PACSIN2: variants seen among roughly 807,000 people sequenced by gnomAD.
PACSIN2 encodes protein kinase C and casein kinase substrate in neurons protein 2.
In PACSIN2, 25 loss-of-function variants were observed where a neutral mutation model predicts 63.8. The observed-to-expected ratio is 0.39, with a 90% confidence interval of 0.29 to 0.55. The LOEUF (loss-of-function observed/expected upper bound fraction) is 0.55. PACSIN2 is among the 20% of genes least tolerant of loss of function. The pLI is 0.62. For missense variants in PACSIN2, 518 were observed against 646.9 expected, an observed-to-expected ratio of 0.80 and a Z score of 2.16; for synonymous variants, 255 against 256.2, an observed-to-expected ratio of 1.00 and a Z score of 0.05.
At position 42,986,393 on chromosome 22, in the gene PACSIN2, T is replaced by A. The variant is rs558799542; in HGVS notation, c.-78+28628A>T. Reference sequence around the variant, plus strand: ...GAGTATCAATCAAGGGCAGCATTCATCCGGCCAAACGAAATCAAACGCCTA... The same window carrying A: ...GAGTATCAATCAAGGGCAGCATTCAACCGGCCAAACGAAATCAAACGCCTA... On this transcript the variant is annotated intron_variant, in intron 1 of 10. Transcript: ENST00000263246. 2.0e-5 allele frequency among the ~76,000 whole-genome samples: 3 copies of A among 152,204 alleles called. No homozygotes were observed. The East Asian group carries it at 5.8e-4, about 29-fold the overall frequency.
chr22:42,876,185 G>C lies in PACSIN2; in HGVS notation c.1300C>G (p.Leu434Val). 1 of 1,614,230 alleles carries C rather than the reference G, an allele frequency of 6.2e-7. No homozygotes were observed. The highest frequency in any genetic ancestry group is 8.5e-7 in the Non-Finnish European group (1 of 1,180,042). ...TSGTEVRVRALYDYEGQEHDE... is the reference protein window; with the variant it reads ...TSGTEVRVRAVYDYEGQEHDE... ...TGCTCCTGCCCCTCATAGTCATACA[G>C]GGCCCGGACTCGCACTTCCGTCCCC... Residue 434 changes from leucine to valine, a missense_variant, in exon 10 of 11, where the codon CTG becomes GTG. Transcript: ENST00000263246.
chr22:42,965,747 A>T (rs980174227), intron 1 of PACSIN2, among the ~76,000 whole-genome samples: 1 of 152,218 alleles, frequency 6.6e-6, no homozygotes, highest in African/African-American at 2.4e-5. Flanking sequence ...CACCGCGATG[A>T]AAGGCATGAC....
At chr22:43,010,398 A>ATATTTTTTTTTTTTT in intron 1 of PACSIN2, among the ~76,000 whole-genome samples, 5 of 126,394 alleles carry the variant, frequency 4.0e-5, no homozygotes, top group African/African-American at 1.4e-4. Flanking sequence ...ATATATATAT[A>ATATTTTTTTTTTTTT]TTTTTTTTTA....
At chr22:42,919,767 T>TG in intron 1 of PACSIN2, among the ~76,000 whole-genome samples, 1 of 75,494 alleles carries the variant, frequency 1.3e-5, no homozygotes, top group South Asian at 4.4e-4. Flanking sequence ...AGCAAGAACC[T>TG]GTCTCAAAAA....
chr22:42,934,879 CTT>C (rs1318187594), intron 1 of PACSIN2, among the ~76,000 whole-genome samples: 3 of 148,292 alleles, frequency 2.0e-5, no homozygotes, highest in Admixed American at 1.4e-4. Flanking sequence ...GATTTCTTTT[CTT>C]TCTTTTCTCT....
chr22:42,957,484 T>C (rs1352523582), intron 1 of PACSIN2, among the ~76,000 whole-genome samples: 2 of 152,226 alleles, frequency 1.3e-5, no homozygotes, highest in Non-Finnish European at 2.9e-5. Context: ...AGTCACCCAC[T>C]GTTCTCAGCA....
chr22:42,890,270 G>C (rs1045345274), intron 4 of PACSIN2, among the ~76,000 whole-genome samples: 16 of 152,242 alleles, frequency 1.1e-4, no homozygotes, highest in African/African-American at 3.9e-4. Flanking sequence ...AAAGTGCTGG[G>C]ATTACAGGCG....
chr22:42,981,415 C>T (rs1726795572), intron 1 of PACSIN2, among the ~76,000 whole-genome samples: 1 of 131,332 alleles, frequency 7.6e-6, no homozygotes, highest in South Asian at 2.5e-4. Flanking sequence ...CGCCTCTGCC[C>T]GGCCGCCCCT....
At chr22:42,949,057 T>C (rs2013035) in intron 1 of PACSIN2, among the ~76,000 whole-genome samples, 145,827 of 152,284 alleles carry the variant, frequency 0.96, 69,909 homozygotes, top group East Asian at 1. Context: ...CTTTGGGAGG[T>C]GGAGGTGGAA....
intron 1 of PACSIN2, among the ~76,000 whole-genome samples, chr22:42,998,132 A>C (rs1314586386): frequency 6.6e-6 from 1 of 152,210 alleles, no homozygotes; most frequent in Non-Finnish European, 1.5e-5. Flanking sequence ...ACCCCAGGTT[A>C]AGGAGGGAGC....
chr22:42,938,534 C>T (rs1000637165), intron 1 of PACSIN2, among the ~76,000 whole-genome samples: 2 of 152,194 alleles, frequency 1.3e-5, no homozygotes, highest in African/African-American at 2.4e-5. Flanking sequence ...GAAGAGCTCA[C>T]CAGGTGTGTG....
At chr22:43,002,735 G>A (rs1448717277) in intron 1 of PACSIN2, among the ~76,000 whole-genome samples, 1 of 152,076 alleles carries the variant, frequency 6.6e-6, no homozygotes, top group Non-Finnish European at 1.5e-5. Context: ...GAAAAAGGAT[G>A]AAATTATAAA....
intron 1 of PACSIN2, among the ~76,000 whole-genome samples, chr22:42,983,682 G>C (rs1458857451): frequency 6.6e-6 from 1 of 152,060 alleles, no homozygotes; most frequent in Non-Finnish European, 1.5e-5. Context: ...GGCTGGTCTT[G>C]AACTCCTGGG....
chr22:42,919,700 G>T (rs1325540103), intron 1 of PACSIN2, among the ~76,000 whole-genome samples: 5 of 145,468 alleles, frequency 3.4e-5, no homozygotes, highest in African/African-American at 7.7e-5. Context: ...TTGAACCCGG[G>T]AAGTGGAGGT....
chr22:42,965,646 T>C (rs1368616431), intron 1 of PACSIN2, among the ~76,000 whole-genome samples: 1 of 152,124 alleles, frequency 6.6e-6, no homozygotes, highest in Non-Finnish European at 1.5e-5. Flanking sequence ...GGGCCTCAAT[T>C]CTTGGAATAA....
chr22:42,874,033 T>C (rs1013022556), intron 10 of PACSIN2, among the ~76,000 whole-genome samples: 4 of 152,076 alleles, frequency 2.6e-5, no homozygotes, highest in Admixed American at 6.5e-5. Flanking sequence ...CAAGTGATCC[T>C]TCGGCCTTGG....
intron 1 of PACSIN2, among the ~76,000 whole-genome samples, chr22:42,920,058 C>T (rs1366099905): frequency 4.0e-5 from 6 of 151,138 alleles, no homozygotes; most frequent in African/African-American, 1.5e-4. Flanking sequence ...CAGTGAGCTA[C>T]GATCATACTG....
chr22:42,894,794 G>A (rs11912313), intron 2 of PACSIN2, among the ~76,000 whole-genome samples: 4,818 of 152,296 alleles, frequency 0.032, 104 homozygotes, highest in African/African-American at 0.05. Flanking sequence ...AGCACCCAGA[G>A]GAAATATGAC....
chr22:42,901,918 C>G (rs925244903), intron 2 of PACSIN2, among the ~76,000 whole-genome samples: 2 of 152,248 alleles, frequency 1.3e-5, no homozygotes, highest in African/African-American at 2.4e-5. Flanking sequence ...TGGCTCGCCC[C>G]TGGCCCTTCC....
Sources: gnomAD v4.1 joint callset for allele counts (sites outside exome capture counted in the v4.1 genomes callset) on GRCh38, gnomAD v4.1.1 for gene constraint, MANE v1.5 for transcripts, NCBI Gene and HGNC (gene_info 2026-07-23, HGNC 2026-07-21) for gene names.